PRKN: variants seen among roughly 807,000 people sequenced by gnomAD.
PRKN encodes the protein parkin RBR E3 ubiquitin protein ligase.
In PRKN, 56 loss-of-function variants were observed where a neutral mutation model predicts 59.5. The observed-to-expected ratio is 0.94, with a 90% CI of 0.76 to 1.18. PRKN has a LOEUF of 1.18. Among genes scored for constraint, PRKN ranks in the 50% most tolerant of loss-of-function variants. The pLI is 0.00. For missense variants in PRKN, 657 were observed against 596.4 expected (o/e 1.10, Z -1.06); for synonymous variants, 250 against 222.1 (o/e 1.13, Z -1.12).
At chr6:162,038,850 G>A (rs1388935402) in intron 5 of PRKN, among the ~76,000 whole-genome samples, 1 of 152,110 alleles carries the variant, frequency 6.6e-6, no homozygotes, top group Non-Finnish European at 1.5e-5. Flanking sequence ...GCAAGAGGTG[G>A]AGTTGACTTG....
chr6:161,940,522 T>G (rs1162428322), intron 6 of PRKN, among the ~76,000 whole-genome samples: 1 of 152,154 alleles, frequency 6.6e-6, no homozygotes, highest in Non-Finnish European at 1.5e-5. Flanking sequence ...TGCATTTATT[T>G]AAAAAACACT....
At chr6:161,450,343 A>C (rs942235053) in intron 9 of PRKN, among the ~76,000 whole-genome samples, 1 of 152,176 alleles carries the variant, frequency 6.6e-6, no homozygotes, top group Non-Finnish European at 1.5e-5. Context: ...ACAGGTAAGA[A>C]CACATCCCAT....
In PRKN at chr6:161,419,406, T is replaced by A. The variant is rs79242443; in HGVS notation, c.1084-32529A>T. ...TCTTTTTTCTTCTTCTTTTTTTTTT[T>A]AAATGGAGTCTCGCTCTGTTGCCCA... On this transcript the variant is annotated intron_variant, in intron 9 of 11. Coordinates refer to ENST00000366898, the MANE Select transcript of PRKN (RefSeq NM_004562.3). The surrounding 1 kb of genome is among the most constrained non-coding windows in gnomAD (Gnocchi z 4.1). 8.5e-5 allele frequency among the ~76,000 whole-genome samples: 11 copies of A among 129,248 alleles called. No homozygotes were observed. The highest frequency in any genetic ancestry group is 7.9e-5 in the Admixed American group (1 of 12,598). The allele number at this position is 129,248 out of a possible 152,430, so 84.8% of individuals were successfully genotyped here.
intron 4 of PRKN, among the ~76,000 whole-genome samples, chr6:162,093,975 T>C (rs2128296967): frequency 6.6e-6 from 1 of 152,270 alleles, no homozygotes; most frequent in East Asian, 1.9e-4. Flanking sequence ...CTGTGCAGAA[T>C]CAGTCAGAAG....
chr6:161,989,521 G>A (rs938405912), intron 5 of PRKN, among the ~76,000 whole-genome samples: 3 of 152,138 alleles, frequency 2.0e-5, no homozygotes, highest in Admixed American at 6.5e-5. Context: ...TCTGGGGCTT[G>A]AGGATAGGTC....
chr6:161,994,722 C>T lies in PRKN; in HGVS notation c.619-21305G>A, dbSNP rs114244461. On this transcript the variant is annotated intron_variant, in intron 5 of 11. Coordinates refer to ENST00000366898, the MANE Select transcript of PRKN (RefSeq NM_004562.3). ...AAAGCAATCCCATTTACAATAGCTACCAAAAAATCTACTTAGGAATAAATT... is the reference window on the plus strand; with the variant it reads ...AAAGCAATCCCATTTACAATAGCTATCAAAAAATCTACTTAGGAATAAATT... Among the ~76,000 whole-genome samples, 529 of 151,126 alleles carry T rather than the reference C, an allele frequency of 3.5e-3. 2 individuals are homozygous for T. Among genetic ancestry groups the T allele is most frequent in the African/African-American group, 0.012 (498 of 41,154 alleles).
intron 11 of PRKN, among the ~76,000 whole-genome samples, 172 bp from the exon 12 acceptor site, chr6:161,350,383 G>A (rs970776883): frequency 1.3e-5 from 2 of 151,486 alleles, no homozygotes; most frequent in Non-Finnish European, 2.9e-5. Flanking sequence ...AGCACAATAG[G>A]GCAGCTCTAA....
intron 10 of PRKN, among the ~76,000 whole-genome samples, chr6:161,374,108 A>C (rs1206670541): frequency 6.6e-6 from 1 of 152,154 alleles, no homozygotes; most frequent in Non-Finnish European, 1.5e-5. Context: ...TGGGGTGTGC[A>C]GAGAATTGCC....
intron 4 of PRKN, among the ~76,000 whole-genome samples, chr6:162,144,988 CAG>C (rs987916468): frequency 6.6e-6 from 1 of 152,188 alleles, no homozygotes; most frequent in Non-Finnish European, 1.5e-5. Flanking sequence ...GGCTTTCACA[CAG>C]AACTCCCATT....
intron 7 of PRKN, among the ~76,000 whole-genome samples, chr6:161,619,325 CTT>C (rs11286624): frequency 8.2e-4 from 105 of 127,936 alleles, no homozygotes; most frequent in East Asian, 2.6e-3. Context: ...TGCTAAGCTG[CTT>C]TTTTTTTTTT....
intron 2 of PRKN, among the ~76,000 whole-genome samples, chr6:162,398,416 G>A (rs1787591916): frequency 6.6e-6 from 1 of 151,004 alleles, no homozygotes; most frequent in African/African-American, 2.4e-5. Context: ...TTGAGACAGA[G>A]TTTTGCTCTT....
At chr6:162,239,080 G>C (rs749709366) in intron 3 of PRKN, among the ~76,000 whole-genome samples, 10 of 152,118 alleles carry the variant, frequency 6.6e-5, no homozygotes, top group Non-Finnish European at 1.5e-4. Context: ...CAGAGAAGGA[G>C]GGAAATGCTT....
Position 161,730,264 on chromosome 6 carries a change from T to C in PRKN, c.871+55508A>G, listed in dbSNP as rs868366480. Among the ~76,000 whole-genome samples, 10 of 151,062 alleles carry C rather than the reference T, an allele frequency of 6.6e-5. 1 individual carries two copies. The highest frequency in any genetic ancestry group is 2.2e-4 in the African/African-American group (9 of 40,436). On this transcript the variant is annotated intron_variant, in intron 7 of 11. Transcript: ENST00000366898. ...TGTTGCAGTCTGATGTGTTGCCCTC[T>C]GATATGTTGCATTCTTTCAGATATG...
At chr6:161,853,239 T>C (rs1025761383) in intron 6 of PRKN, among the ~76,000 whole-genome samples, 1 of 152,212 alleles carries the variant, frequency 6.6e-6, no homozygotes. Flanking sequence ...TACTTTCTTA[T>C]ATGTATCTCA....
intron 1 of PRKN, among the ~76,000 whole-genome samples, chr6:162,486,255 A>T (rs935081108): frequency 6.6e-6 from 1 of 152,198 alleles, no homozygotes; most frequent in African/African-American, 2.4e-5. Context: ...TATGATTGAT[A>T]TATATGATGC....
chr6:162,500,643 G>A (rs956402433), intron 1 of PRKN, among the ~76,000 whole-genome samples: 31 of 152,126 alleles, frequency 2.0e-4, no homozygotes, highest in Non-Finnish European at 4.4e-4. Context: ...TCTTACAATG[G>A]CTTAAGTGCT....
chr6:162,030,594 G>A (rs544878384), intron 5 of PRKN, among the ~76,000 whole-genome samples: 1 of 152,216 alleles, frequency 6.6e-6, no homozygotes, highest in Non-Finnish European at 1.5e-5. Context: ...ACCCTTCCCT[G>A]CACACTCCCT....
rs528297650 is a variant in PRKN at position 161,514,351 on chromosome 6, G to A, written c.1083+34503C>T. The stretch of plus-strand genomic sequence containing the variant: ...TGATCTTGAGAAACAAACCGGGTCT[G>A]AGCTGCAGGACAGGGTCAGACCATA... On this transcript the variant is annotated intron_variant, in intron 9 of 11. Coordinates refer to ENST00000366898, the MANE Select transcript of PRKN (RefSeq NM_004562.3). 1.1e-3 allele frequency among the ~76,000 whole-genome samples: 168 copies of A among 152,254 alleles called. 1 individual carries two copies. The highest frequency in any genetic ancestry group is 4.0e-3 in the African/African-American group (167 of 41,522).
intron 1 of PRKN, among the ~76,000 whole-genome samples, chr6:162,716,169 A>C (rs1416047507): frequency 6.6e-6 from 1 of 152,210 alleles, no homozygotes; most frequent in Non-Finnish European, 1.5e-5. Flanking sequence ...TTTCTTCTTT[A>C]AAAACCAAAT....
Sources: gnomAD v4.1 joint callset for allele counts (sites outside exome capture counted in the v4.1 genomes callset) on GRCh38, gnomAD v4.1.1 for gene constraint, Gnocchi (gnomAD v3.1) non-coding constraint, MANE v1.5 for transcripts, NCBI Gene and HGNC (gene_info 2026-07-23, HGNC 2026-07-21) for gene names.